Variants in SNTG1 observed in about 807,000 individuals in gnomAD.
SNTG1 encodes gamma-1-syntrophin.
In SNTG1, 39 loss-of-function variants were observed where a neutral mutation model predicts 74.7. That is an observed-to-expected ratio of 0.52 (90% CI 0.40 to 0.68). The LOEUF (loss-of-function observed/expected upper bound fraction) is 0.68. Ranked by LOEUF, SNTG1 falls within the 30% of genes least tolerant of loss-of-function variation. The pLI is 0.00. For synonymous variants in SNTG1, 254 were observed against 217.1 expected (o/e 1.17, Z -1.49); for missense variants, 685 against 609.5 (o/e 1.12, Z -1.30).
At chr8:50,681,172 G>A (rs1462987760) in intron 15 of SNTG1, among the ~76,000 whole-genome samples, 2 of 151,948 alleles carry the variant, frequency 1.3e-5, no homozygotes, top group East Asian at 1.9e-4. Context: ...AACCTATTTT[G>A]GCCAGAATAC....
rs1393948949 is a variant in SNTG1, at chr8:50,088,904, A to T, written c.-102-83657A>T. Among the ~76,000 whole-genome samples, 159 of 150,104 alleles carry T rather than the reference A, an allele frequency of 1.1e-3. 3 individuals are homozygous for T. The highest frequency in any genetic ancestry group is 9.4e-3 in the Admixed American group (140 of 14,904). ...TTTCTTCACAGAATTGGAAAAAACT[A>T]CTTTAAAGTTCATATGGAACCAAAA... On this transcript the variant is annotated intron_variant, in intron 1 of 18. Coordinates refer to ENST00000642720, the MANE Select transcript of SNTG1 (RefSeq NM_018967.5).
intron 5 of SNTG1, among the ~76,000 whole-genome samples, chr8:50,447,399 C>T (rs1357837491): frequency 6.6e-6 from 1 of 152,206 alleles, no homozygotes; most frequent in Non-Finnish European, 1.5e-5. Flanking sequence ...ATATCTGAAT[C>T]ACAATATCTG....
chr8:50,704,261 C>G (rs1378063312), intron 15 of SNTG1, among the ~76,000 whole-genome samples: 1 of 152,040 alleles, frequency 6.6e-6, no homozygotes, highest in East Asian at 1.9e-4. Flanking sequence ...AACATCATAA[C>G]AGTTATGTAA....
intron 15 of SNTG1, among the ~76,000 whole-genome samples, chr8:50,702,857 A>T (rs1419229527): frequency 6.6e-6 from 1 of 152,214 alleles, no homozygotes; most frequent in Non-Finnish European, 1.5e-5. Flanking sequence ...TGTAGGCAAA[A>T]GTAACATAAT....
At chr8:50,017,526 G>A (rs1043452520) in intron 1 of SNTG1, among the ~76,000 whole-genome samples, 8 of 151,828 alleles carry the variant, frequency 5.3e-5, no homozygotes, top group Non-Finnish European at 1.0e-4. Context: ...TGTTTACAAG[G>A]ACACATTTTT....
At chr8:50,035,165 A>G (rs1818046697) in intron 1 of SNTG1, among the ~76,000 whole-genome samples, 1 of 152,052 alleles carries the variant, frequency 6.6e-6, no homozygotes, top group Admixed American at 6.6e-5. Context: ...TGGAAGCCTC[A>G]CTCACTCTTC....
chr8:50,419,921 G>A (rs558653289), intron 4 of SNTG1, among the ~76,000 whole-genome samples: 1 of 151,820 alleles, frequency 6.6e-6, no homozygotes, highest in East Asian at 1.9e-4. Flanking sequence ...ACAATGGACG[G>A]GACAGAGAAA....
intron 1 of SNTG1, among the ~76,000 whole-genome samples, chr8:49,939,033 C>T (rs1028777246): frequency 5.9e-5 from 9 of 152,014 alleles, no homozygotes; most frequent in South Asian, 2.1e-4. Context: ...TGAAATAAGA[C>T]TTTAGGATAT....
intron 2 of SNTG1, among the ~76,000 whole-genome samples, chr8:50,341,135 C>T (rs1413290854): frequency 6.6e-6 from 1 of 151,838 alleles, no homozygotes; most frequent in Non-Finnish European, 1.5e-5. Context: ...GCAATGCAGC[C>T]TTAAATAGAG....
intron 2 of SNTG1, among the ~76,000 whole-genome samples, chr8:50,293,837 G>A (rs879405363): frequency 3.3e-5 from 5 of 151,706 alleles, no homozygotes; most frequent in Non-Finnish European, 7.4e-5. Flanking sequence ...ATAGCACTTA[G>A]ACCACACAAA....
Position 50,724,371 on chromosome 8 carries a change from T to C in SNTG1, c.1284+15393T>C, listed in dbSNP as rs188300940. 9.0e-4 allele frequency among the ~76,000 whole-genome samples: 137 copies of C among 152,304 alleles called. 2 individuals carry two copies. The highest frequency in any genetic ancestry group is 6.8e-3 in the Middle Eastern group (2 of 294). On this transcript the variant is annotated intron_variant, in intron 17 of 18. Transcript: ENST00000642720. Reference sequence around the variant, plus strand: ...AGTTCCGTATAGTTTTAGTTGAATATGTGGTCTCCTCGGGCTAATAATAAG... The same window carrying C: ...AGTTCCGTATAGTTTTAGTTGAATACGTGGTCTCCTCGGGCTAATAATAAG...
chr8:50,111,375 C>A lies in SNTG1; in HGVS notation c.-102-61186C>A, dbSNP rs537702366. ...ATTGAATATGAATAGTGTCCTTATA[C>A]GAAGAGGCACCAGAAAGTATATCCT... On this transcript the variant is annotated intron_variant, in intron 1 of 18. Coordinates refer to ENST00000642720, the MANE Select transcript of SNTG1 (RefSeq NM_018967.5). 3.9e-5 allele frequency among the ~76,000 whole-genome samples: 6 copies of A among 152,018 alleles called. No homozygotes were observed. In the East Asian group the frequency reaches 1.2e-3, roughly 29 times the overall value.
At chr8:50,659,824 C>A (rs1161107126) in intron 15 of SNTG1, among the ~76,000 whole-genome samples, 4 of 152,120 alleles carry the variant, frequency 2.6e-5, no homozygotes, top group Non-Finnish European at 4.4e-5. Context: ...AAATAATTGC[C>A]AAAATGGCTA....
chr8:50,025,747 T>G (rs1020407338), intron 1 of SNTG1, among the ~76,000 whole-genome samples: 3 of 152,196 alleles, frequency 2.0e-5, no homozygotes, highest in African/African-American at 7.2e-5. Context: ...GTAGAACCAC[T>G]CTGAAACTAT....
intron 1 of SNTG1, among the ~76,000 whole-genome samples, chr8:49,924,706 G>A (rs1806861850): frequency 6.6e-6 from 1 of 151,706 alleles, no homozygotes; most frequent in Non-Finnish European, 1.5e-5. Flanking sequence ...CTAAAGAAAA[G>A]TTGAATAATG....
chr8:50,592,584 A>C lies in SNTG1; in HGVS notation c.849+1667A>C, dbSNP rs188526921. Among the ~76,000 whole-genome samples, 295 of 152,330 alleles carry C rather than the reference A, an allele frequency of 1.9e-3. 2 individuals are homozygous for C. Among genetic ancestry groups the C allele is most frequent in the African/African-American group, 6.8e-3 (284 of 41,560 alleles). On this transcript the variant is annotated intron_variant, in intron 13 of 18. Transcript: ENST00000642720. ...ATAAGTGAGAATTTGAATAAATCAC[A>C]CATAGAACAAGTAATAAAAACTTTA...
chr8:50,288,345 A>T (rs2088900574), intron 2 of SNTG1, among the ~76,000 whole-genome samples: 1 of 152,186 alleles, frequency 6.6e-6, no homozygotes, highest in South Asian at 2.1e-4. Flanking sequence ...AAAAAAAATT[A>T]AATATTTCTA....
At chr8:50,601,528 T>TG (rs1311142164) in intron 13 of SNTG1, among the ~76,000 whole-genome samples, 2 of 152,214 alleles carry the variant, frequency 1.3e-5, no homozygotes, top group East Asian at 3.8e-4. Flanking sequence ...TCAGACATGT[T>TG]TTGTTAGCTG....
chr8:50,225,712 G>T (rs1277508878), intron 2 of SNTG1, among the ~76,000 whole-genome samples: 5 of 152,130 alleles, frequency 3.3e-5, no homozygotes, highest in East Asian at 1.9e-4. Context: ...AAATAGGGAG[G>T]ATTTTGAATA....
Sources: gnomAD v4.1 joint callset for allele counts (sites outside exome capture counted in the v4.1 genomes callset) on GRCh38, gnomAD v4.1.1 for gene constraint, MANE v1.5 for transcripts, NCBI Gene and HGNC (gene_info 2026-07-23, HGNC 2026-07-21) for gene names.